PTPRK: variants seen among roughly 807,000 people sequenced by gnomAD.
The protein encoded by PTPRK is receptor-type tyrosine-protein phosphatase kappa.
PTPRK carries 75 observed loss-of-function variants against 178.0 expected under a neutral mutation model. The observed-to-expected ratio is 0.42, with a 90% CI of 0.35 to 0.51. The LOEUF is 0.51. Among genes scored for constraint, PTPRK ranks in the 20% least tolerant of loss-of-function variants. PTPRK has a pLI of 0.02. For missense variants in PTPRK, 1,441 were observed against 1,797.8 expected (o/e 0.80, Z 3.59); for synonymous variants, 637 against 620.6 (o/e 1.03, Z -0.39).
chr6:128,172,564 G>A (rs904918027), intron 7 of PTPRK, among the ~76,000 whole-genome samples: 1 of 151,262 alleles, frequency 6.6e-6, no homozygotes, highest in Non-Finnish European at 1.5e-5. Context: ...AAAATAAGTT[G>A]TTCTAATTGG....
At chr6:128,070,862 T>C (rs1275359715) in intron 11 of PTPRK, among the ~76,000 whole-genome samples, 2 of 151,746 alleles carry the variant, frequency 1.3e-5, no homozygotes, top group African/African-American at 4.8e-5. Context: ...AATAGGATAA[T>C]GGACGTTTAA....
At chr6:128,020,955 G>A (rs2114760766) in intron 13 of PTPRK, among the ~76,000 whole-genome samples, 1 of 152,188 alleles carries the variant, frequency 6.6e-6, no homozygotes, top group Middle Eastern at 3.4e-3. Context: ...TTTTAGAGGT[G>A]TTTATTTACT....
intron 7 of PTPRK, among the ~76,000 whole-genome samples, chr6:128,124,045 T>C (rs906956433): frequency 1.4e-5 from 2 of 144,032 alleles, no homozygotes; most frequent in Non-Finnish European, 3.2e-5. Flanking sequence ...AAAACTTGTT[T>C]TTTTTTTTTT....
intron 3 of PTPRK, among the ~76,000 whole-genome samples, chr6:128,294,011 A>G (rs993111947): frequency 6.6e-6 from 1 of 152,108 alleles, no homozygotes; most frequent in Non-Finnish European, 1.5e-5. Context: ...ATAGCTGTAG[A>G]TGATTCTTTT....
chr6:128,046,650 G>T (rs1778076312), intron 13 of PTPRK, among the ~76,000 whole-genome samples: 1 of 152,120 alleles, frequency 6.6e-6, no homozygotes, highest in Non-Finnish European at 1.5e-5. Context: ...TTAAGACTAG[G>T]ATTTCAGGCC....
At chr6:128,347,027 T>C (rs1221700845) in intron 2 of PTPRK, among the ~76,000 whole-genome samples, 1 of 152,160 alleles carries the variant, frequency 6.6e-6, no homozygotes, top group Non-Finnish European at 1.5e-5. Context: ...CTGCATTGTA[T>C]TGACAGCAAA....
intron 1 of PTPRK, among the ~76,000 whole-genome samples, chr6:128,512,408 T>C (rs774144310): frequency 6.6e-6 from 1 of 152,244 alleles, no homozygotes; most frequent in Non-Finnish European, 1.5e-5. Flanking sequence ...TTTTTACTTC[T>C]TGTTTTTTAT....
At position 128,167,153 on chromosome 6, in the gene PTPRK, GA is replaced by G. The variant is rs67217010; in HGVS notation, c.1162+17278del. Among the ~76,000 whole-genome samples the G allele has an allele frequency of 0.029, 4,384 of 149,616 alleles. 386 individuals are homozygous for G. In the East Asian group the frequency reaches 0.36, roughly 12 times the overall value. On this transcript the variant is annotated intron_variant, in intron 7 of 29. Transcript: ENST00000368226. ...TATAAATGAAAAACTCACATGAACA[GA>G]AAAAAAAATATTTTAACTGGTTGAT...
At chr6:128,355,262 T>C (rs1833796957) in intron 2 of PTPRK, among the ~76,000 whole-genome samples, 1 of 152,190 alleles carries the variant, frequency 6.6e-6, no homozygotes, top group South Asian at 2.1e-4. Flanking sequence ...GAATAAAGGG[T>C]AAAGCTGCCT....
chr6:128,409,358 T>C (rs185451791), intron 1 of PTPRK: 26 of 454,224 alleles, frequency 5.7e-5, no homozygotes, highest in African/African-American at 4.0e-5. Context: ...GAATGCAAAA[T>C]AGATTAGGTA....
rs530057775 is a variant in PTPRK at position 128,290,918 on chromosome 6, C to T, written c.495+31121G>A. On this transcript the variant is annotated intron_variant, in intron 3 of 29. Transcript: ENST00000368226. ...TTTAATATACTTTATCTTTTTTTTG[C>T]TGTTAATCTTCAGAACAGTCTCATT... Among the ~76,000 whole-genome samples, 299 of 151,668 alleles carry T rather than the reference C, an allele frequency of 2.0e-3. 2 individuals carry two copies. The highest frequency in any genetic ancestry group is 6.7e-3 in the African/African-American group (277 of 41,408).
At chr6:128,266,502 G>A (rs113105312) in intron 3 of PTPRK, among the ~76,000 whole-genome samples, 8 of 152,202 alleles carry the variant, frequency 5.3e-5, no homozygotes, top group South Asian at 4.2e-4. Flanking sequence ...ACTGAATTTA[G>A]AGGTCAAGCC....
At chr6:128,411,095 G>T (rs1172641348) in intron 1 of PTPRK, among the ~76,000 whole-genome samples, 2 of 152,076 alleles carry the variant, frequency 1.3e-5, no homozygotes, top group Non-Finnish European at 2.9e-5. Flanking sequence ...GTGCTGCCAT[G>T]CTGCCCAGGC....
chr6:128,262,009 TACTC>T (rs941807592), intron 3 of PTPRK, among the ~76,000 whole-genome samples: 4 of 152,164 alleles, frequency 2.6e-5, no homozygotes, highest in African/African-American at 9.7e-5. Context: ...TACCAGGAGT[TACTC>T]AGCCTGAGAA....
chr6:128,000,302 G>A, intron 15 of PTPRK: 1 of 1,298,570 alleles, frequency 7.7e-7, no homozygotes, highest in Non-Finnish European at 1.0e-6. Context: ...AAAATGAATT[G>A]TTGTCCCCAT....
intron 5 of PTPRK, among the ~76,000 whole-genome samples, chr6:128,231,149 A>G (rs1812225473): frequency 1.3e-5 from 2 of 152,236 alleles, no homozygotes; most frequent in Non-Finnish European, 1.5e-5. Flanking sequence ...GAAAAACCTT[A>G]TAATCCATGA....
chr6:128,248,495 C>A lies in PTPRK; in HGVS notation c.496-5893G>T, dbSNP rs540120396. Among the ~76,000 whole-genome samples, 43 of 151,988 alleles carry A rather than the reference C, an allele frequency of 2.8e-4. 1 individual carries two copies. In the South Asian group the frequency reaches 8.9e-3, roughly 32 times the overall value. The stretch of plus-strand genomic sequence containing the variant: ...AAAAAATATATTTAAGTATATAGAA[C>A]TACAAAAGGAAAATGGAAGTACATG... On this transcript the variant is annotated intron_variant, in intron 3 of 29. Transcript: ENST00000368226.
chr6:128,378,601 T>C (rs1837439370), intron 2 of PTPRK, among the ~76,000 whole-genome samples: 1 of 151,770 alleles, frequency 6.6e-6, no homozygotes, highest in Admixed American at 6.6e-5. Flanking sequence ...TAAAGAAAAG[T>C]CTTGAGAAAA....
chr6:128,489,643 A>C (rs1853480262), intron 1 of PTPRK, among the ~76,000 whole-genome samples: 1 of 152,204 alleles, frequency 6.6e-6, no homozygotes, highest in African/African-American at 2.4e-5. Context: ...ATTACACTAT[A>C]TGAAAGGCAC....
Sources: allele counts gnomAD v4.1 joint callset (sites outside exome capture counted in the v4.1 genomes callset), GRCh38; gene constraint gnomAD v4.1.1; transcripts MANE v1.5; gene names NCBI Gene and HGNC (gene_info 2026-07-23, HGNC 2026-07-21).